Variants in MYO5B observed in about 807,000 individuals in gnomAD.
MYO5B encodes the protein myosin VB.
A neutral mutation model predicts 229.3 loss-of-function variants in MYO5B; 143 were observed. The ratio of observed to expected loss-of-function variants is 0.62; its 90% confidence interval spans 0.54 to 0.72. The LOEUF is 0.72. MYO5B is among the 30% of genes least tolerant of loss of function. The pLI is 0.00. For synonymous variants in MYO5B, 918 were observed against 885.2 expected (o/e 1.04, Z -0.66); for missense variants, 2,321 against 2,331.0 (o/e 1.00, Z 0.09).
At chr18:49,899,537 A>G (rs2024817298) in intron 21 of MYO5B, among the ~76,000 whole-genome samples, 1 of 152,154 alleles carries the variant, frequency 6.6e-6, no homozygotes, top group South Asian at 2.1e-4. Context: ...CAATAGCTAA[A>G]TATCTTATAG....
intron 1 of MYO5B, among the ~76,000 whole-genome samples, chr18:50,179,011 AC>A (rs2033035884): frequency 6.6e-6 from 1 of 152,194 alleles, no homozygotes; most frequent in African/African-American, 2.4e-5. Context: ...GACCTAGAAC[AC>A]TTTTAGAAGA....
chr18:50,153,181 G>A (rs1321930150), intron 1 of MYO5B, among the ~76,000 whole-genome samples: 3 of 152,114 alleles, frequency 2.0e-5, no homozygotes, highest in Admixed American at 6.5e-5. Context: ...GATGTGGCAC[G>A]TTCGTACTAT....
rs989648845 is a variant in MYO5B at position 49,911,995 on chromosome 18, G to A, written c.2202+67C>T. ...AGACCAAAAAAAAAATGTAGATAACGACGCCACCCCCTCAATCTTTAGGGG... is the reference window on the plus strand; with the variant it reads ...AGACCAAAAAAAAAATGTAGATAACAACGCCACCCCCTCAATCTTTAGGGG... On this transcript the variant is annotated intron_variant, in intron 18 of 39. Transcript: ENST00000285039. The A allele has an allele frequency of 1.0e-5, 12 of 1,200,998 alleles. 1 individual carries two copies. The highest frequency in any genetic ancestry group is 6.1e-5 in the South Asian group (5 of 82,632). 74.4% of individuals were successfully genotyped at this position (1,200,998 alleles called of 1,614,324 possible).
At chr18:50,068,695 A>C (rs927335293) in intron 1 of MYO5B, among the ~76,000 whole-genome samples, 4 of 152,212 alleles carry the variant, frequency 2.6e-5, no homozygotes, top group African/African-American at 9.6e-5. Context: ...GGTGTGAAAG[A>C]AGAAGTGTGG....
At position 49,990,523 on chromosome 18, in the gene MYO5B, G is replaced by C; in HGVS notation, c.757-3C>G. The C allele has an allele frequency of 1.2e-6, 2 of 1,612,642 alleles. No individual in the cohort carries two copies. The stretch of plus-strand genomic sequence containing the variant: ...TGGTAATTCCTCTCATCATCTGCCT[G>C]GAGGAGGAAGAAGTGAAGCAGTTTT... On this transcript the variant is annotated splice_polypyrimidine_tract_variant and splice_region_variant and intron_variant, in intron 6 of 39. Coordinates refer to ENST00000285039, the MANE Select transcript of MYO5B (RefSeq NM_001080467.3).
At chr18:49,933,286 C>T (rs1231864198) in intron 16 of MYO5B, among the ~76,000 whole-genome samples, 1 of 152,206 alleles carries the variant, frequency 6.6e-6, no homozygotes, top group Non-Finnish European at 1.5e-5. Context: ...GCCACTGCTG[C>T]TCTGGATACT....
rs775004025 is a variant in MYO5B, at chr18:49,836,693, G to A, written c.5313+18C>T. The stretch of plus-strand genomic sequence containing the variant: ...TTCCTTGGAATACCATGTTGACAGA[G>A]GTGCAAAGTGACTGTACCTGCTGGG... On this transcript the variant is annotated intron_variant, in intron 38 of 39. Transcript: ENST00000285039. 2.5e-5 allele frequency: 41 copies of A among 1,613,650 alleles called. No individual in the cohort carries two copies. The highest frequency in any genetic ancestry group is 3.5e-5 in the Non-Finnish European group (41 of 1,179,748).
chr18:49,954,024 ATGTGTGTGTG>A (rs766610907), intron 13 of MYO5B, among the ~76,000 whole-genome samples: 1,691 of 51,094 alleles, frequency 0.033, 84 homozygotes, highest in East Asian at 0.21. Flanking sequence ...ATGTATTTAT[ATGTGTGTGTG>A]TGTGTGTGTG....
At chr18:49,877,924 G>A in intron 24 of MYO5B, 42 bp from the exon 25 acceptor site, 2 of 1,613,432 alleles carry the variant, frequency 1.2e-6, no homozygotes, top group Non-Finnish European at 1.7e-6. Flanking sequence ...AGGAACTAAT[G>A]TTCATGAGAA....
chr18:50,109,591 A>AT lies in MYO5B; in HGVS notation c.28-54214dup, dbSNP rs545291896. On this transcript the variant is annotated intron_variant, in intron 1 of 39. Coordinates refer to ENST00000285039, the MANE Select transcript of MYO5B (RefSeq NM_001080467.3). ...CAGGCGCCGCCACCATGCTTGGCTA[A>AT]TTTTTTTTGTATTTTTAGTAGAGAC... 1.5e-3 allele frequency among the ~76,000 whole-genome samples: 230 copies of AT among 151,584 alleles called. 1 individual carries two copies. Among genetic ancestry groups the AT allele is most frequent in the Non-Finnish European group, 2.4e-3 (163 of 67,836 alleles).
chr18:49,861,834 G>C (rs1274605211), intron 29 of MYO5B, among the ~76,000 whole-genome samples: 3 of 152,162 alleles, frequency 2.0e-5, no homozygotes, highest in Non-Finnish European at 4.4e-5. Flanking sequence ...CAGTGACTCT[G>C]TGACATTCTT....
chr18:49,921,263 T>G (rs1047076564), intron 17 of MYO5B, among the ~76,000 whole-genome samples: 4 of 149,954 alleles, frequency 2.7e-5, no homozygotes, highest in Admixed American at 1.3e-4. Flanking sequence ...AGAGTTTTTT[T>G]TTTTTTTTTT....
chr18:49,882,434 C>A (rs1357099067), intron 22 of MYO5B, among the ~76,000 whole-genome samples: 1 of 151,694 alleles, frequency 6.6e-6, no homozygotes, highest in Non-Finnish European at 1.5e-5. Flanking sequence ...TCGAGATGAT[C>A]CTGGCCAACA....
chr18:49,913,056 T>G (rs904452661), intron 17 of MYO5B, among the ~76,000 whole-genome samples: 1 of 152,220 alleles, frequency 6.6e-6, no homozygotes, highest in Non-Finnish European at 1.5e-5. Context: ...ATTTTGCTTA[T>G]GATTTTTTTC....
intron 7 of MYO5B, among the ~76,000 whole-genome samples, chr18:49,985,988 G>A (rs558189026): frequency 2.6e-5 from 4 of 152,074 alleles, no homozygotes; most frequent in East Asian, 3.9e-4. Context: ...TTCTGCACCC[G>A]TCCCTTCAAA....
intron 4 of MYO5B, among the ~76,000 whole-genome samples, chr18:50,025,167 C>T (rs896614903): frequency 6.6e-6 from 1 of 152,176 alleles, no homozygotes; most frequent in Non-Finnish European, 1.5e-5. Flanking sequence ...TTAAGATTTT[C>T]TTTCAGAGAT....
intron 31 of MYO5B, among the ~76,000 whole-genome samples, chr18:49,852,753 TCCC>T (rs34540068): frequency 6.6e-6 from 1 of 152,124 alleles, no homozygotes; most frequent in Admixed American, 6.6e-5. Context: ...ATGATTTACA[TCCC>T]CTTCATACCT....
chr18:49,864,101 C>A, intron 28 of MYO5B, 40 bp downstream of exon 28: 1 of 1,600,752 alleles, frequency 6.2e-7, no homozygotes, highest in South Asian at 1.1e-5. Flanking sequence ...CACCTAGGGT[C>A]ACCCCTCGGC....
At chr18:49,951,233 G>C (rs1297218735) in intron 14 of MYO5B, among the ~76,000 whole-genome samples, 1 of 152,158 alleles carries the variant, frequency 6.6e-6, no homozygotes, top group African/African-American at 2.4e-5. Context: ...TGCTGAGTTT[G>C]CTGTTTACTT....
Sources: gnomAD v4.1 joint callset for allele counts (sites outside exome capture counted in the v4.1 genomes callset) on GRCh38, gnomAD v4.1.1 for gene constraint, MANE v1.5 for transcripts, NCBI Gene and HGNC (gene_info 2026-07-23, HGNC 2026-07-21) for gene names.